The following OLFM3 variants were observed in gnomAD, a reference collection of about 807,000 sequenced individuals.
The protein encoded by OLFM3 is noelin-3.
In OLFM3, 20 loss-of-function variants were observed where a neutral mutation model predicts 48.6. The observed-to-expected ratio is 0.41, with a 90% CI of 0.29 to 0.60. The LOEUF is 0.60. OLFM3 is among the 20% of genes least tolerant of loss of function. The pLI is 0.28. For missense variants in OLFM3, 437 were observed against 544.3 expected (o/e 0.80, Z 1.96); for synonymous variants, 222 against 198.1 (o/e 1.12, Z -1.01).
chr1:101,833,773 A>T (rs927458262), intron 2 of OLFM3, among the ~76,000 whole-genome samples: 2 of 152,244 alleles, frequency 1.3e-5, no homozygotes, highest in African/African-American at 2.4e-5. Flanking sequence ...ATACATTTGG[A>T]TAGCCTTGAA....
At chr1:101,902,527 T>A (rs1027669887) in intron 1 of OLFM3, among the ~76,000 whole-genome samples, 1 of 151,816 alleles carries the variant, frequency 6.6e-6, no homozygotes, top group African/African-American at 2.4e-5. Context: ...TAAGAGGAAC[T>A]AGGAAATTTA....
rs769949684 is a variant in OLFM3 at position 101,803,924 on chromosome 1, A to C, written c.*314T>G. Reference sequence around the variant, plus strand: ...ACATTCGTGCATTTAAGCCACCATTAGTCTCTGACTCTAATATAAGGCAGA... The same window carrying C: ...ACATTCGTGCATTTAAGCCACCATTCGTCTCTGACTCTAATATAAGGCAGA... On this transcript the variant is annotated 3_prime_UTR_variant, in exon 6 of 6. Transcript: ENST00000370103. The C allele has an allele frequency of 1.2e-4, 23 of 185,104 alleles. No individual in the cohort carries two copies. Among genetic ancestry groups the C allele is most frequent in the Admixed American group, 6.1e-4 (10 of 16,368 alleles). The allele number at this position is 185,104 out of a possible 1,614,324, so 11.5% of individuals were successfully genotyped here.
chr1:101,977,533 A>G (rs1186208807), intron 1 of OLFM3, among the ~76,000 whole-genome samples: 2 of 152,150 alleles, frequency 1.3e-5, no homozygotes, highest in Non-Finnish European at 2.9e-5. Context: ...ACTGGGAGGG[A>G]CACTAAGGAT....
intron 4 of OLFM3, among the ~76,000 whole-genome samples, chr1:101,820,093 A>G (rs1160412628): frequency 6.6e-6 from 1 of 152,156 alleles, no homozygotes; most frequent in African/African-American, 2.4e-5. Context: ...TAGAGAGTCA[A>G]TAAATAATTG....
chr1:101,918,764 C>T (rs1483783679), intron 1 of OLFM3, among the ~76,000 whole-genome samples: 1 of 152,072 alleles, frequency 6.6e-6, no homozygotes, highest in Non-Finnish European at 1.5e-5. Flanking sequence ...TTCTGCCTAT[C>T]ACACTTGTCT....
At chr1:101,995,975 C>T (rs1014121731) in intron 1 of OLFM3, among the ~76,000 whole-genome samples, 3 of 152,112 alleles carry the variant, frequency 2.0e-5, no homozygotes, top group Non-Finnish European at 4.4e-5. Context: ...AAATATTTGT[C>T]CATATTTTCC....
chr1:101,836,705 G>A (rs539173219), intron 2 of OLFM3, among the ~76,000 whole-genome samples, 174 bp downstream of exon 2: 5 of 151,686 alleles, frequency 3.3e-5, no homozygotes, highest in Non-Finnish European at 7.4e-5. Flanking sequence ...ATAGGACAAA[G>A]ACAATAGCAG....
intron 4 of OLFM3, among the ~76,000 whole-genome samples, chr1:101,807,469 T>C (rs563079356): frequency 6.6e-6 from 1 of 151,932 alleles, no homozygotes; most frequent in East Asian, 1.9e-4. Context: ...GTTCTTGTTT[T>C]TTTGGAAAGA....
chr1:101,892,367 T>C (rs936282775), intron 1 of OLFM3, among the ~76,000 whole-genome samples: 1 of 151,652 alleles, frequency 6.6e-6, no homozygotes, highest in Non-Finnish European at 1.5e-5. Context: ...TAAGCTTCTA[T>C]ACAAAGACTT....
chr1:101,940,914 A>G (rs1272122807), intron 1 of OLFM3, among the ~76,000 whole-genome samples: 1 of 152,134 alleles, frequency 6.6e-6, no homozygotes, highest in East Asian at 1.9e-4. Context: ...CTGAAAAGTG[A>G]TATTTGAGGT....
chr1:101,945,740 G>A (rs1659944974), intron 1 of OLFM3, among the ~76,000 whole-genome samples: 1 of 152,104 alleles, frequency 6.6e-6, no homozygotes. Context: ...TTGAGACCAA[G>A]AGTTTGAGAT....
At chr1:101,814,321 TGA>T (rs935986333) in intron 4 of OLFM3, among the ~76,000 whole-genome samples, 18 of 151,228 alleles carry the variant, frequency 1.2e-4, no homozygotes, top group Non-Finnish European at 2.5e-4. Context: ...TTAACAATAA[TGA>T]GAAAGCATGA....
intron 1 of OLFM3, among the ~76,000 whole-genome samples, chr1:101,941,417 C>T (rs1471498102): frequency 6.6e-6 from 1 of 152,032 alleles, no homozygotes; most frequent in Non-Finnish European, 1.5e-5. Context: ...GGCAATATGC[C>T]AGCAGAGAGG....
Position 101,804,125 on chromosome 1 carries a change from G to T in OLFM3, c.*113C>A. ...GAAACACCAACTTTACAATAAAAAT[G>T]CTTTGCTTTGGAGAAATGATGAAAA... On this transcript the variant is annotated 3_prime_UTR_variant, in exon 6 of 6. Transcript: ENST00000370103. The surrounding 1 kb of genome is among the most constrained non-coding windows in gnomAD (Gnocchi z 4.5). 1 of 812,934 alleles carries T rather than the reference G, an allele frequency of 1.2e-6. No individual in the cohort carries two copies. Among genetic ancestry groups the T allele is most frequent in the Non-Finnish European group, 1.8e-6 (1 of 549,138 alleles). 50.4% of individuals were successfully genotyped at this position (812,934 alleles called of 1,614,324 possible).
At chr1:101,818,802 T>C (rs1209623611) in intron 4 of OLFM3, among the ~76,000 whole-genome samples, 1 of 152,170 alleles carries the variant, frequency 6.6e-6, no homozygotes, top group African/African-American at 2.4e-5. Flanking sequence ...GATATCGATG[T>C]GTTTTATATT....
chr1:101,825,381 A>G, intron 3 of OLFM3, 136 bp from the exon 4 acceptor site: 1 of 717,984 alleles, frequency 1.4e-6, no homozygotes. Flanking sequence ...GAAATTAGGT[A>G]TTTTGTGAAA....
chr1:101,806,018 G>C (rs1446452805), intron 5 of OLFM3, 58 bp downstream of exon 5: 1 of 1,287,634 alleles, frequency 7.8e-7, no homozygotes, highest in African/African-American at 1.5e-5. Context: ...TAGTCCAGAA[G>C]AGAAAAAGTG....
At chr1:101,957,336 G>C (rs1433268742) in intron 1 of OLFM3, among the ~76,000 whole-genome samples, 7 of 151,948 alleles carry the variant, frequency 4.6e-5, no homozygotes, top group African/African-American at 1.7e-4. Flanking sequence ...AACTCTACAA[G>C]TCAATTTATA....
At chr1:101,941,726 C>G (rs1659800960) in intron 1 of OLFM3, among the ~76,000 whole-genome samples, 2 of 152,202 alleles carry the variant, frequency 1.3e-5, no homozygotes, top group South Asian at 4.1e-4. Flanking sequence ...ATCTCTTTAT[C>G]CTTGCTAAGG....
Sources: gnomAD v4.1 joint callset for allele counts (sites outside exome capture counted in the v4.1 genomes callset) on GRCh38, gnomAD v4.1.1 for gene constraint, Gnocchi (gnomAD v3.1) non-coding constraint, MANE v1.5 for transcripts, NCBI Gene and HGNC (gene_info 2026-07-23, HGNC 2026-07-21) for gene names.